The following PRPF6 variants were observed in gnomAD, a reference collection of about 807,000 sequenced individuals.
The protein encoded by PRPF6 is pre-mRNA-processing factor 6.
PRPF6 carries 42 observed loss-of-function variants against 118.3 expected under a neutral mutation model. The observed-to-expected ratio is 0.35, with a 90% CI of 0.28 to 0.46. The LOEUF (loss-of-function observed/expected upper bound fraction) is 0.46, where lower values mean the gene tolerates loss of function less well. Ranked by LOEUF, PRPF6 falls within the 20% of genes least tolerant of loss-of-function variation. The pLI is 1.00. For missense variants in PRPF6, 662 were observed against 1,255.7 expected (o/e 0.53, Z 7.15); for synonymous variants, 481 against 485.1 (o/e 0.99, Z 0.11).
At chr20:64,013,774 C>G (rs1414724442) in intron 11 of PRPF6, among the ~76,000 whole-genome samples, 1 of 152,170 alleles carries the variant, frequency 6.6e-6, no homozygotes, top group Non-Finnish European at 1.5e-5. Flanking sequence ...TAGCGTTCTA[C>G]AGAATCCACC....
Position 64,011,017 on chromosome 20 carries a change from C to T in PRPF6, c.1306-268C>T, listed in dbSNP as rs1353079602. On this transcript the variant is annotated intron_variant, in intron 10 of 20. Transcript: ENST00000266079. This position sits in a 1 kb window ranked among gnomAD's most constrained non-coding sequence, Gnocchi z 6.7. ...TGCCAGCCCCTGGTATCAGGTCTGG[C>T]GTGCTGTGTGCCTGGAGGCTGTGTT... Among the ~76,000 whole-genome samples the T allele has an allele frequency of 2.6e-5, 4 of 152,078 alleles. No individual in the cohort carries two copies. The highest frequency in any genetic ancestry group is 9.7e-5 in the African/African-American group (4 of 41,406).
intron 12 of PRPF6, among the ~76,000 whole-genome samples, chr20:64,020,012 A>C (rs1477976472): frequency 6.6e-6 from 1 of 152,220 alleles, no homozygotes; most frequent in Admixed American, 6.5e-5. Flanking sequence ...TTGAGCTGCC[A>C]GTCCAGATCT....
At chr20:63,993,528 C>G (rs570898182) in intron 4 of PRPF6, 43 bp downstream of exon 4, 5 of 1,510,766 alleles carry the variant, frequency 3.3e-6, no homozygotes, top group African/African-American at 2.8e-5. Flanking sequence ...TTCTAACGCT[C>G]TCACCCTAAC....
Position 64,028,586 on chromosome 20 carries a change from A to G in PRPF6, c.2431+17A>G. On this transcript the variant is annotated intron_variant, in intron 18 of 20. Transcript: ENST00000266079. The surrounding 1 kb of genome is among the most constrained non-coding windows in gnomAD (Gnocchi z 6.5). ...CCAACTCCGGTAAGGGGGTGCCCCG[A>G]CTCCGGTAAGGGGGTGCCCTGACTC... 1 of 1,608,382 alleles carries G rather than the reference A, an allele frequency of 6.2e-7. No homozygotes were observed. The highest frequency in any genetic ancestry group is 8.5e-7 in the Non-Finnish European group (1 of 1,178,098).
chr20:64,001,633 T>C (rs1338610972), intron 9 of PRPF6, among the ~76,000 whole-genome samples: 1 of 152,246 alleles, frequency 6.6e-6, no homozygotes, highest in African/African-American at 2.4e-5. Context: ...AGACCCGTTG[T>C]GGGTGTTACT....
chr20:64,005,228 G>A (rs1601520519), intron 9 of PRPF6, among the ~76,000 whole-genome samples: 2 of 152,144 alleles, frequency 1.3e-5, no homozygotes, highest in East Asian at 3.9e-4. Flanking sequence ...CTGATGAGAT[G>A]CCATGGAGAT....
chr20:64,024,680 C>A lies in PRPF6; in HGVS notation c.1895C>A (p.Ala632Asp). 1 of 1,612,702 alleles carries A rather than the reference C, an allele frequency of 6.2e-7. No homozygotes were observed. The highest frequency in any genetic ancestry group is 8.5e-7 in the Non-Finnish European group (1 of 1,179,854). Residue 632 changes from alanine (A) to aspartate (D), a missense_variant, in exon 14 of 21, where the codon GCC becomes GAC. Ala to Asp is a moderately radical substitution (Grantham distance 126). Coordinates refer to ENST00000266079, the MANE Select transcript of PRPF6 (RefSeq NM_012469.4). The stretch of plus-strand genomic sequence containing the variant: ...GTGCCTGCAGCAAGGAGCATCCTGG[C>A]CCTGGCCTTCCAGGTGGGTGAGGGT... The part of the protein sequence containing the change: ...GDVPAARSIL[A>D]LAFQANPNSE...
At chr20:64,024,440 G>T in intron 13 of PRPF6, 115 bp from the exon 14 acceptor site, 1 of 1,362,808 alleles carries the variant, frequency 7.3e-7, no homozygotes, top group Non-Finnish European at 1.0e-6. Flanking sequence ...ATCATTTATA[G>T]CATCGAACTT....
At chr20:63,998,375 G>A (rs2059150384) in intron 6 of PRPF6, among the ~76,000 whole-genome samples, 1 of 151,534 alleles carries the variant, frequency 6.6e-6, no homozygotes, top group Non-Finnish European at 1.5e-5. Context: ...TTACAGGCGT[G>A]AGCCACCACG....
rs2059300882 is a variant in PRPF6 at position 64,028,391 on chromosome 20, G to T, written c.2340-87G>T. 1 of 1,353,110 alleles carries T rather than the reference G, an allele frequency of 7.4e-7. No individual in the cohort carries two copies. 83.8% of individuals were successfully genotyped at this position (1,353,110 alleles called of 1,614,324 possible). A position where few individuals can be genotyped will look rare whatever the true frequency, so the allele number is the denominator to read the frequency against. ...TTTTGCTGCTGTGACTGGGTGGAGA[G>T]CCCTTTCAGACAAGGCTTCCCAGAA... On this transcript the variant is annotated intron_variant, in intron 17 of 20. Coordinates refer to ENST00000266079, the MANE Select transcript of PRPF6 (RefSeq NM_012469.4). This position sits in a 1 kb window ranked among gnomAD's most constrained non-coding sequence, Gnocchi z 6.5.
chr20:64,013,998 A>G (rs762499101), intron 11 of PRPF6, among the ~76,000 whole-genome samples: 2 of 151,584 alleles, frequency 1.3e-5, no homozygotes, highest in East Asian at 2.0e-4. Context: ...GTATGGTGCA[A>G]TCAATCTTGG....
At chr20:64,003,372 G>T (rs761533905) in intron 9 of PRPF6, among the ~76,000 whole-genome samples, 2 of 152,204 alleles carry the variant, frequency 1.3e-5, no homozygotes, top group African/African-American at 2.4e-5. Context: ...TGAGGCTTCT[G>T]TGCTGATAGG....
rs960095220 is a variant in PRPF6 at position 64,028,033 on chromosome 20, C to T, written c.2339+297C>T. 6.6e-6 allele frequency among the ~76,000 whole-genome samples: 1 copy of T among 152,076 alleles called. No homozygotes were observed. The highest frequency in any genetic ancestry group is 6.5e-5 in the Admixed American group (1 of 15,274). On this transcript the variant is annotated intron_variant, in intron 17 of 20. Coordinates refer to ENST00000266079, the MANE Select transcript of PRPF6 (RefSeq NM_012469.4). The surrounding 1 kb of genome is among the most constrained non-coding windows in gnomAD (Gnocchi z 6.5). ...CGAGGGAAGGATGGACCCCGGAGAG[C>T]CAGCTCCACAGAGGAGGTGGCGTGG...
chr20:64,024,242 G>C (rs2059277911), intron 13 of PRPF6, among the ~76,000 whole-genome samples: 1 of 152,200 alleles, frequency 6.6e-6, no homozygotes. Context: ...GGCCTCCCCT[G>C]TCACAGACTG....
In PRPF6 at chr20:64,027,079, C is replaced by T; in HGVS notation, c.2126C>T (p.Pro709Leu). The change falls in exon 16 of 21, where the codon CCC becomes CTC. Residue 709 changes from proline (P) to leucine (L), a missense_variant. Coordinates refer to ENST00000266079, the MANE Select transcript of PRPF6 (RefSeq NM_012469.4). This position sits in a 1 kb window ranked among gnomAD's most constrained non-coding sequence, Gnocchi z 6.5. ...EEALRHYEDFPKLWMMKGQIE... is the reference protein window; with the variant it reads ...EEALRHYEDFLKLWMMKGQIE... ...GCCCTGCGGCACTATGAGGACTTCC[C>T]CAAGCTGTGGATGATGAAGGGGCAG... The T allele has an allele frequency of 6.2e-6, 10 of 1,614,040 alleles. No individual in the cohort carries two copies. The highest frequency in any genetic ancestry group is 8.5e-6 in the Non-Finnish European group (10 of 1,180,010).
rs780559294 is a variant in PRPF6 at position 63,984,969 on chromosome 20, A to G, written c.303A>G (p.Ala101=). The change falls in exon 3 of 21, where the codon GCA becomes GCG. Residue 101 remains alanine (A), a synonymous_variant. Transcript: ENST00000266079. ...CCTACGAGAAAGATGATGAGGAAGCAGATGCTATCTATGCAGCCCTGGATA... is the reference window on the plus strand; with the variant it reads ...CCTACGAGAAAGATGATGAGGAAGCGGATGCTATCTATGCAGCCCTGGATA... ...SGPYEKDDEE[A]DAIYAALDKR... is the part of the protein sequence containing the mutation. 3.7e-6 allele frequency: 6 copies of G among 1,613,840 alleles called. No individual in the cohort carries two copies. The highest frequency in any genetic ancestry group is 4.2e-6 in the Non-Finnish European group (5 of 1,179,860).
At chr20:64,022,202 C>G (rs1304748603) in intron 12 of PRPF6, among the ~76,000 whole-genome samples, 6 of 152,244 alleles carry the variant, frequency 3.9e-5, no homozygotes, top group Non-Finnish European at 8.8e-5. Flanking sequence ...TTCATGTACA[C>G]TGGAGTAAGC....
intron 4 of PRPF6, among the ~76,000 whole-genome samples, chr20:63,994,614 A>AT (rs2059133280): frequency 6.6e-6 from 1 of 152,160 alleles, no homozygotes; most frequent in Non-Finnish European, 1.5e-5. Context: ...TTTACAAAAA[A>AT]TAAAAACTTA....
intron 8 of PRPF6, among the ~76,000 whole-genome samples, chr20:64,000,456 C>A (rs1451288640): frequency 5.5e-4 from 61 of 111,388 alleles, no homozygotes; most frequent in South Asian, 9.7e-4. Flanking sequence ...GATTCCGTCT[C>A]AAAAAAAAAA....
Sources: gnomAD v4.1 joint callset for allele counts (sites outside exome capture counted in the v4.1 genomes callset) on GRCh38, gnomAD v4.1.1 for gene constraint, Gnocchi (gnomAD v3.1) non-coding constraint, MANE v1.5 for transcripts, NCBI Gene and HGNC (gene_info 2026-07-23, HGNC 2026-07-21) for gene names.